The following MIA2 variants were observed in gnomAD, a reference collection of about 807,000 sequenced individuals.
The protein encoded by MIA2 is melanoma inhibitory activity protein 2.
A neutral mutation model predicts 167.8 loss-of-function variants in MIA2; 127 were observed. The observed-to-expected ratio is 0.76, with a 90% CI of 0.66 to 0.88. The LOEUF is 0.88. Among genes scored for constraint, MIA2 ranks in the 40% least tolerant of loss-of-function variants. The probability of loss-of-function intolerance (pLI) is 0.00; values close to 1 mark genes in which losing one functional copy is unlikely to be tolerated. For synonymous variants in MIA2, 552 were observed against 541.9 expected, an observed-to-expected ratio of 1.02 and a Z score of -0.26; for missense variants, 1,690 against 1,624.7, an observed-to-expected ratio of 1.04 and a Z score of -0.69.
intron 23 of MIA2, among the ~76,000 whole-genome samples, chr14:39,357,755 C>CA (rs2139261944): frequency 6.6e-6 from 1 of 152,234 alleles, no homozygotes; most frequent in East Asian, 1.9e-4. Flanking sequence ...CTGGTGGTGA[C>CA]AAAATCTCTC....
intron 23 of MIA2, among the ~76,000 whole-genome samples, chr14:39,370,910 A>G (rs2074928672): frequency 6.6e-6 from 1 of 152,254 alleles, no homozygotes; most frequent in Admixed American, 6.5e-5. Flanking sequence ...TAGAAGAAAA[A>G]TCAATAATCC....
At chr14:39,237,099 AC>A in intron 2 of MIA2, 44 bp downstream of exon 2, 1 of 1,597,936 alleles carries the variant, frequency 6.3e-7, no homozygotes, top group South Asian at 1.1e-5. Flanking sequence ...TAAATGACCA[AC>A]TTGCACAAAG....
At chr14:39,316,431 T>G (rs149968187) in intron 21 of MIA2, among the ~76,000 whole-genome samples, 222 of 152,328 alleles carry the variant, frequency 1.5e-3, no homozygotes, top group African/African-American at 5.1e-3. Flanking sequence ...TATCATCAGT[T>G]TTCTTACGTG....
At chr14:39,243,409 G>A (rs1373792445) in intron 3 of MIA2, among the ~76,000 whole-genome samples, 1 of 152,146 alleles carries the variant, frequency 6.6e-6, no homozygotes, top group Non-Finnish European at 1.5e-5. Flanking sequence ...TAATCCTCAC[G>A]ACACCTCGGT....
At chr14:39,383,963 G>A (rs2075219608) in intron 23 of MIA2, among the ~76,000 whole-genome samples, 1 of 152,234 alleles carries the variant, frequency 6.6e-6, no homozygotes, top group African/African-American at 2.4e-5. Flanking sequence ...AGGTGCTGAT[G>A]TAGAAGCTGC....
intron 19 of MIA2, 126 bp from the exon 20 acceptor site, chr14:39,314,613 T>G: frequency 2.7e-6 from 1 of 376,040 alleles, no homozygotes; most frequent in Non-Finnish European, 4.5e-6. Flanking sequence ...TTCTGGAGTT[T>G]TTTTTTTTTT....
downstream of MIA2, among the ~76,000 whole-genome samples, chr14:39,354,114 G>A (rs1446168403): frequency 6.6e-6 from 1 of 152,200 alleles, no homozygotes; most frequent in African/African-American, 2.4e-5. Flanking sequence ...GGTAGTTCTA[G>A]TTCTAGATCC....
intron 25 of MIA2, among the ~76,000 whole-genome samples, chr14:39,343,571 C>T (rs2072518380): frequency 6.6e-6 from 1 of 152,204 alleles, no homozygotes; most frequent in Admixed American, 6.5e-5. Context: ...ATGCCCAGTA[C>T]ACTTATTCCC....
chr14:39,294,583 T>G (rs1345738382), intron 12 of MIA2, among the ~76,000 whole-genome samples: 4 of 152,156 alleles, frequency 2.6e-5, no homozygotes, highest in African/African-American at 4.8e-5. Context: ...TACTATATAT[T>G]GAGGACTGGT....
intron 6 of MIA2, among the ~76,000 whole-genome samples, chr14:39,254,371 G>A (rs906077126): frequency 1.3e-5 from 2 of 152,172 alleles, no homozygotes; most frequent in Non-Finnish European, 1.5e-5. Flanking sequence ...TCTTGTAGAT[G>A]ATGGGGCACT....
intron 19 of MIA2, among the ~76,000 whole-genome samples, chr14:39,313,820 A>G (rs887372160): frequency 3.3e-5 from 5 of 152,190 alleles, no homozygotes; most frequent in African/African-American, 1.2e-4. Flanking sequence ...GGTGTGCCAC[A>G]AAAAGAAGAG....
rs540097259 is a variant in MIA2, at chr14:39,363,741, T to C, written c.2248+14764T>C. The stretch of plus-strand genomic sequence containing the variant: ...AGAATTGTTATAATCTCTTGCTGAA[T>C]TGATTCCTTTATTGTTTTGTAATGT... On this transcript the variant is annotated intron_variant, in intron 23 of 23. Coordinates refer to the MIA2 transcript ENST00000341502. 1.2e-3 allele frequency among the ~76,000 whole-genome samples: 183 copies of C among 152,352 alleles called. 1 individual carries two copies. The highest frequency in any genetic ancestry group is 2.3e-3 in the Non-Finnish European group (155 of 68,028).
At chr14:39,337,392 A>G (rs1158639278) in intron 25 of MIA2, among the ~76,000 whole-genome samples, 1 of 152,192 alleles carries the variant, frequency 6.6e-6, no homozygotes, top group Non-Finnish European at 1.5e-5. Context: ...GAGAAAATTC[A>G]GCAAGTATAT....
chr14:39,336,796 A>G (rs1337084497), intron 25 of MIA2, among the ~76,000 whole-genome samples: 2 of 152,158 alleles, frequency 1.3e-5, no homozygotes, highest in African/African-American at 4.8e-5. Context: ...ACCCAGCTAG[A>G]GTGCTGTGGT....
intron 6 of MIA2, among the ~76,000 whole-genome samples, chr14:39,275,344 T>C (rs2057842479): frequency 6.6e-6 from 1 of 152,172 alleles, no homozygotes; most frequent in South Asian, 2.1e-4. Context: ...TTTTGCCACG[T>C]TGGCCAGGCT....
chr14:39,311,837 T>TG (rs1169845436), intron 18 of MIA2, among the ~76,000 whole-genome samples: 3 of 16,684 alleles, frequency 1.8e-4, no homozygotes, highest in East Asian at 0.012. Context: ...TGTGTGTGTG[T>TG]TTTTTTTTTT....
chr14:39,289,349 G>A (rs1390773055), intron 9 of MIA2, among the ~76,000 whole-genome samples: 1 of 151,994 alleles, frequency 6.6e-6, no homozygotes. Context: ...CGAATAGCTG[G>A]GATTACGAGT....
chr14:39,245,182 C>G (rs1184372773), intron 3 of MIA2, among the ~76,000 whole-genome samples: 1 of 150,652 alleles, frequency 6.6e-6, no homozygotes, highest in Admixed American at 6.6e-5. Flanking sequence ...CTCAAGCAGT[C>G]CTCCTGCCTT....
Position 39,252,775 on chromosome 14 carries a change from C to T in MIA2, c.1595C>T (p.Thr532Met), listed in dbSNP as rs139190285. The change falls in exon 5 of 29, where the codon ACG becomes ATG. Residue 532 changes from threonine to methionine, a missense_variant. Transcript: ENST00000640607. ...ATGGTCTCTAACATAGAGTTACCTACGAGAATTCACGAAGAAGTATATTTT... is the reference window on the plus strand; with the variant it reads ...ATGGTCTCTAACATAGAGTTACCTATGAGAATTCACGAAGAAGTATATTTT... ...SDMVSNIELP[T>M]RIHEEVYFEP... 708 of 1,612,584 alleles carry T rather than the reference C, an allele frequency of 4.4e-4. 1 individual carries two copies. The African/African-American group carries it at 6.5e-3, about 15-fold the overall frequency.
Sources: gnomAD v4.1 joint callset for allele counts (sites outside exome capture counted in the v4.1 genomes callset) on GRCh38, gnomAD v4.1.1 for gene constraint, MANE v1.5 for transcripts, NCBI Gene and HGNC (gene_info 2026-07-23, HGNC 2026-07-21) for gene names.